The following CCDC85C variants were observed in gnomAD, a reference collection of about 807,000 sequenced individuals.
CCDC85C encodes the protein coiled-coil domain-containing protein 85C.
Under a neutral mutation model 38.3 loss-of-function variants are expected in CCDC85C, and 18 were observed. The ratio of observed to expected loss-of-function variants is 0.47; its 90% CI spans 0.33 to 0.70. The LOEUF (loss-of-function observed/expected upper bound fraction) is 0.70. Ranked by LOEUF, CCDC85C falls within the 30% of genes least tolerant of loss-of-function variation. The pLI is 0.03. For synonymous variants in CCDC85C, 264 were observed against 293.8 expected, an observed-to-expected ratio of 0.90 and a Z score of 1.04; for missense variants, 566 against 621.2, an observed-to-expected ratio of 0.91 and a Z score of 0.94.
At chr14:99,595,524 C>A (rs2055133974) in intron 1 of CCDC85C, among the ~76,000 whole-genome samples, 1 of 152,194 alleles carries the variant, frequency 6.6e-6, no homozygotes, top group African/African-American at 2.4e-5. Context: ...GAAGCCTGGT[C>A]TCTCTTCTTA....
chr14:99,557,194 G>A (rs1898028503), intron 1 of CCDC85C, among the ~76,000 whole-genome samples: 1 of 152,200 alleles, frequency 6.6e-6, no homozygotes, highest in East Asian at 1.9e-4. Flanking sequence ...GGCTCGCAGA[G>A]ATGAAGAGAC....
rs973946176 is a variant in CCDC85C at position 99,520,868 on chromosome 14, C to T, written c.975+1265G>A. ...GGAGGCAAGAGGAACAAACCCTTTC[C>T]CAAGGCTGCCTCCTCCAGGAAGCCT... On this transcript the variant is annotated intron_variant, in intron 3 of 5. Transcript: ENST00000380243. The surrounding 1 kb of genome is among the most constrained non-coding windows in gnomAD (Gnocchi z 4.1). Among the ~76,000 whole-genome samples the T allele has an allele frequency of 6.6e-6, 1 of 152,248 alleles. No homozygotes were observed. The highest frequency in any genetic ancestry group is 2.4e-5 in the African/African-American group (1 of 41,462).
chr14:99,543,230 A>C (rs1407330834), intron 1 of CCDC85C, among the ~76,000 whole-genome samples: 1 of 152,184 alleles, frequency 6.6e-6, no homozygotes, highest in Non-Finnish European at 1.5e-5. Context: ...CCCCAGTGCC[A>C]GAAGAGCTAA....
rs1192328482 is a variant in CCDC85C at position 99,513,164 on chromosome 14, C to T, written c.*2082G>A. 6.6e-6 allele frequency: 1 copy of T among 152,218 alleles called. No individual in the cohort carries two copies. The highest frequency in any genetic ancestry group is 1.5e-5 in the Non-Finnish European group (1 of 68,034). The allele number at this position is 152,218 out of a possible 1,614,324, so 9.4% of individuals were successfully genotyped here. On this transcript the variant is annotated 3_prime_UTR_variant, in exon 6 of 6. Transcript: ENST00000380243. Reference sequence around the variant, plus strand: ...TCTGGGCCTGTTTGCAGGAGATCCGCAGGTACCAGGAGCCCGTACTTATTG... The same window carrying T: ...TCTGGGCCTGTTTGCAGGAGATCCGTAGGTACCAGGAGCCCGTACTTATTG...
At chr14:99,571,953 C>T (rs913018057) in intron 1 of CCDC85C, among the ~76,000 whole-genome samples, 7 of 152,206 alleles carry the variant, frequency 4.6e-5, no homozygotes, top group Admixed American at 1.3e-4. Context: ...GGCCCTGAAG[C>T]CTCAGGGGAA....
chr14:99,563,574 A>C (rs1898159038), intron 1 of CCDC85C, among the ~76,000 whole-genome samples: 2 of 152,264 alleles, frequency 1.3e-5, no homozygotes. Context: ...TAAGGTGGTC[A>C]CTCTGCATCT....
intron 1 of CCDC85C, among the ~76,000 whole-genome samples, chr14:99,539,549 C>T (rs1195981804): frequency 2.0e-5 from 3 of 151,644 alleles, no homozygotes; most frequent in Non-Finnish European, 4.4e-5. Flanking sequence ...AACTATTTGT[C>T]CAACAACAGC....
chr14:99,573,156 C>G (rs972733666), intron 1 of CCDC85C, among the ~76,000 whole-genome samples: 1 of 152,246 alleles, frequency 6.6e-6, no homozygotes, highest in Non-Finnish European at 1.5e-5. Context: ...CCCCCGGTGC[C>G]TCGGAGTCCC....
chr14:99,596,003 G>A (rs903870495), intron 1 of CCDC85C, among the ~76,000 whole-genome samples: 5 of 152,258 alleles, frequency 3.3e-5, no homozygotes, highest in African/African-American at 1.2e-4. Flanking sequence ...TAAACTCCCA[G>A]ATGAAGAGAC....
intron 1 of CCDC85C, among the ~76,000 whole-genome samples, chr14:99,600,976 G>A (rs912418360): frequency 1.3e-5 from 2 of 152,204 alleles, no homozygotes; most frequent in Admixed American, 6.5e-5. Context: ...AGTGAGCCAT[G>A]AGTGTTCCAT....
At chr14:99,596,057 C>T (rs1019782037) in intron 1 of CCDC85C, among the ~76,000 whole-genome samples, 1 of 152,248 alleles carries the variant, frequency 6.6e-6, no homozygotes, top group African/African-American at 2.4e-5. Flanking sequence ...GGCTCCAGCA[C>T]CCATGTGGCT....
chr14:99,513,535 G>A lies in CCDC85C; in HGVS notation c.*1711C>T, dbSNP rs1334800248. On this transcript the variant is annotated 3_prime_UTR_variant, in exon 6 of 6. Transcript: ENST00000380243. ...CTTACCCCCCTGGGGCTAAGATGGGGGGCGTGAGCCTTTCCCCTGAGAGCA... is the reference window on the plus strand; with the variant it reads ...CTTACCCCCCTGGGGCTAAGATGGGAGGCGTGAGCCTTTCCCCTGAGAGCA... 1 of 152,326 alleles carries A rather than the reference G, an allele frequency of 6.6e-6. No homozygotes were observed. The highest frequency in any genetic ancestry group is 2.4e-5 in the African/African-American group (1 of 41,458). The allele number at this position is 152,326 out of a possible 1,614,324, so 9.4% of individuals were successfully genotyped here.
chr14:99,582,539 G>A (rs2054984324), intron 1 of CCDC85C, among the ~76,000 whole-genome samples: 1 of 152,078 alleles, frequency 6.6e-6, no homozygotes, highest in South Asian at 2.1e-4. Flanking sequence ...TAAGTCGGCT[G>A]GGCACAGTGG....
intron 1 of CCDC85C, among the ~76,000 whole-genome samples, chr14:99,571,000 C>A (rs1329901076): frequency 6.6e-6 from 1 of 152,160 alleles, no homozygotes; most frequent in Non-Finnish European, 1.5e-5. Context: ...CAAAGTCAGC[C>A]CTGGAGCTTC....
At position 99,516,383 on chromosome 14, in the gene CCDC85C, C is replaced by A; in HGVS notation, c.1072-97G>T. 1.1e-6 allele frequency: 1 copy of A among 900,096 alleles called. No individual in the cohort carries two copies. Among genetic ancestry groups the A allele is most frequent in the Non-Finnish European group, 1.8e-6 (1 of 568,164 alleles). The allele number at this position is 900,096 out of a possible 1,614,324, so 55.8% of individuals were successfully genotyped here. A position where few individuals can be genotyped will look rare whatever the true frequency, so the allele number is the denominator to read the frequency against. On this transcript the variant is annotated intron_variant, in intron 4 of 5. Coordinates refer to ENST00000380243, the MANE Select transcript of CCDC85C (RefSeq NM_001144995.2). The surrounding 1 kb of genome is among the most constrained non-coding windows in gnomAD (Gnocchi z 5.5). The stretch of plus-strand genomic sequence containing the variant: ...ATCCTCAGCCTCCCCTGCTGCGAAC[C>A]AAAGCTGAGGACCCTGAGCCGCTGG...
intron 1 of CCDC85C, among the ~76,000 whole-genome samples, chr14:99,546,102 T>C (rs1371158919): frequency 6.6e-6 from 1 of 151,518 alleles, no homozygotes; most frequent in Non-Finnish European, 1.5e-5. Flanking sequence ...AGAACGCAGG[T>C]GCCAAGCCCC....
chr14:99,545,979 G>A lies in CCDC85C; in HGVS notation c.794-9891C>T, dbSNP rs1164907423. Among the ~76,000 whole-genome samples, 1 of 152,036 alleles carries A rather than the reference G, an allele frequency of 6.6e-6. No homozygotes were observed. The highest frequency in any genetic ancestry group is 2.4e-5 in the African/African-American group (1 of 41,360). ...CTCCTGCCCCTGACTATTAATTAGT[G>A]GAGCTGAACTCTGAAGCAAAGGCAA... On this transcript the variant is annotated intron_variant, in intron 1 of 5. Coordinates refer to ENST00000380243, the MANE Select transcript of CCDC85C (RefSeq NM_001144995.2). The surrounding 1 kb of genome is among the most constrained non-coding windows in gnomAD (Gnocchi z 4.7).
At chr14:99,593,490 A>G (rs771103728) in intron 1 of CCDC85C, among the ~76,000 whole-genome samples, 17 of 152,320 alleles carry the variant, frequency 1.1e-4, no homozygotes, top group Non-Finnish European at 2.4e-4. Flanking sequence ...CTGGCAGCTG[A>G]TTCGAGCTCC....
intron 2 of CCDC85C, among the ~76,000 whole-genome samples, chr14:99,528,215 T>C (rs1897425456): frequency 1.3e-5 from 2 of 152,092 alleles, no homozygotes; most frequent in Admixed American, 6.5e-5. Flanking sequence ...CAGGCAGCTC[T>C]ACCTGAAGCC....
Sources: allele counts gnomAD v4.1 joint callset (sites outside exome capture counted in the v4.1 genomes callset), GRCh38; gene constraint gnomAD v4.1.1; non-coding constraint Gnocchi (gnomAD v3.1); transcripts MANE v1.5; gene names NCBI Gene and HGNC (gene_info 2026-07-23, HGNC 2026-07-21).